Variants in PCDH7 observed in about 807,000 individuals in gnomAD.
The protein encoded by PCDH7 is protocadherin-7.
In PCDH7, 17 loss-of-function variants were observed where a neutral mutation model predicts 58.9. The ratio of observed to expected loss-of-function variants is 0.29; its 90% CI spans 0.20 to 0.43. The LOEUF (loss-of-function observed/expected upper bound fraction) is 0.43. Ranked by LOEUF, PCDH7 falls within the 20% of genes least tolerant of loss-of-function variation. The pLI, the probability that PCDH7 is intolerant of heterozygous loss-of-function variation, is 1.00. For synonymous variants in PCDH7, 664 were observed against 616.4 expected, an observed-to-expected ratio of 1.08 and a Z score of -1.14; for missense variants, 1,274 against 1,441.0, an observed-to-expected ratio of 0.88 and a Z score of 1.88.
intron 3 of PCDH7, among the ~76,000 whole-genome samples, chr4:31,052,605 A>G (rs551983313): frequency 2.0e-5 from 3 of 152,270 alleles, no homozygotes; most frequent in Admixed American, 2.0e-4. Flanking sequence ...TTTAAGAAAT[A>G]AAAATATAGT....
chr4:30,907,409 G>GA (rs1370709719), intron 1 of PCDH7, among the ~76,000 whole-genome samples: 1 of 151,980 alleles, frequency 6.6e-6, no homozygotes, highest in Admixed American at 6.6e-5. Context: ...AAATTTACAA[G>GA]AAAAAACAAC....
At chr4:30,803,655 C>A (rs540177622) in intron 1 of PCDH7, among the ~76,000 whole-genome samples, 55 of 152,120 alleles carry the variant, frequency 3.6e-4, no homozygotes, top group Non-Finnish European at 6.5e-4. Flanking sequence ...CCCAGGCTGG[C>A]CTTGAACTCT....
At chr4:30,802,493 T>C (rs149162162) in intron 1 of PCDH7, among the ~76,000 whole-genome samples, 2 of 151,850 alleles carry the variant, frequency 1.3e-5, no homozygotes, top group South Asian at 2.1e-4. Context: ...AGAAAGTACA[T>C]GGATGAAACA....
intron 1 of PCDH7, among the ~76,000 whole-genome samples, chr4:30,812,745 A>G (rs1727184736): frequency 1.3e-5 from 2 of 152,208 alleles, no homozygotes; most frequent in Admixed American, 1.3e-4. Context: ...AATGATGGGA[A>G]AACATTATTC....
intron 3 of PCDH7, among the ~76,000 whole-genome samples, chr4:30,991,091 T>C (rs1751428215): frequency 6.6e-6 from 1 of 152,194 alleles, no homozygotes. Flanking sequence ...CCGGGTTCTT[T>C]CCATCTAGAT....
intron 1 of PCDH7, among the ~76,000 whole-genome samples, chr4:30,811,782 G>T (rs1162298890): frequency 6.6e-6 from 1 of 152,112 alleles, no homozygotes; most frequent in Non-Finnish European, 1.5e-5. Flanking sequence ...AGAGCCTAGG[G>T]GCCATGAAAG....
chr4:30,729,900 A>G (rs765410786), intron 1 of PCDH7, among the ~76,000 whole-genome samples: 10 of 152,008 alleles, frequency 6.6e-5, no homozygotes, highest in Non-Finnish European at 1.5e-4. Flanking sequence ...AATCTAGTGT[A>G]CTAGATTCTA....
At chr4:30,962,565 T>C (rs771476460) in intron 3 of PCDH7, among the ~76,000 whole-genome samples, 7 of 151,800 alleles carry the variant, frequency 4.6e-5, no homozygotes, top group Non-Finnish European at 8.8e-5. Context: ...AGTGGGAGGA[T>C]TACTTGAGCC....
At chr4:30,968,388 A>G (rs1749229827) in intron 3 of PCDH7, among the ~76,000 whole-genome samples, 1 of 54,598 alleles carries the variant, frequency 1.8e-5, no homozygotes, top group African/African-American at 1.3e-4. Context: ...ATATATATAT[A>G]TATATATATA....
At chr4:30,734,364 C>G (rs1715947610), downstream of PCDH7, among the ~76,000 whole-genome samples, 15 of 151,972 alleles carry the variant, frequency 9.9e-5, no homozygotes, top group Admixed American at 9.8e-4. Flanking sequence ...TCCCAAGTAG[C>G]TGTGATTACA....
At chr4:30,833,439 C>T (rs920226829) in intron 1 of PCDH7, among the ~76,000 whole-genome samples, 2 of 152,176 alleles carry the variant, frequency 1.3e-5, no homozygotes, top group Admixed American at 1.3e-4. Flanking sequence ...ACTGACTCTT[C>T]CGCCTTCTGC....
intron 3 of PCDH7, among the ~76,000 whole-genome samples, chr4:31,019,780 G>A (rs1753889404): frequency 6.6e-6 from 1 of 151,742 alleles, no homozygotes; most frequent in African/African-American, 2.4e-5. Context: ...ATACACACAT[G>A]TACAGACACG....
At chr4:31,083,725 G>T (rs951840412) in intron 3 of PCDH7, among the ~76,000 whole-genome samples, 10 of 152,134 alleles carry the variant, frequency 6.6e-5, no homozygotes, top group Non-Finnish European at 1.2e-4. Context: ...AAAAATGATG[G>T]GGTGGAGTGG....
chr4:31,056,462 A>G (rs866407180), intron 3 of PCDH7, among the ~76,000 whole-genome samples: 2 of 49,098 alleles, frequency 4.1e-5, no homozygotes, highest in Non-Finnish European at 7.8e-5. Context: ...AAGAAAGAAG[A>G]AAGAAAGAAA....
chr4:31,045,386 GT>G (rs1022832889), intron 3 of PCDH7, among the ~76,000 whole-genome samples: 6 of 151,906 alleles, frequency 3.9e-5, no homozygotes, highest in Non-Finnish European at 8.8e-5. Context: ...GTGTATGTGT[GT>G]CAAAGGGACA....
chr4:30,914,988 T>A (rs1742254652), intron 1 of PCDH7, among the ~76,000 whole-genome samples: 1 of 152,310 alleles, frequency 6.6e-6, no homozygotes, highest in African/African-American at 2.4e-5. Flanking sequence ...TTCCTCAAAA[T>A]ATTTTACTGT....
chr4:30,979,251 A>G (rs1293325338), intron 3 of PCDH7, among the ~76,000 whole-genome samples: 1 of 150,892 alleles, frequency 6.6e-6, no homozygotes, highest in Admixed American at 6.6e-5. Flanking sequence ...GCGTGAACCC[A>G]GGAGGAGGAG....
intron 3 of PCDH7, among the ~76,000 whole-genome samples, chr4:31,129,448 A>G (rs976128235): frequency 1.3e-5 from 2 of 152,092 alleles, no homozygotes; most frequent in Admixed American, 6.6e-5. Context: ...AATGATACCT[A>G]CCTTAGGTCT....
intron 1 of PCDH7, among the ~76,000 whole-genome samples, chr4:30,773,133 C>T (rs1264581464): frequency 1.2e-4 from 18 of 152,198 alleles, no homozygotes; most frequent in Admixed American, 1.2e-3. Context: ...AACCTCCTGA[C>T]TTCAAGTAAG....
Sources: allele counts gnomAD v4.1 joint callset (sites outside exome capture counted in the v4.1 genomes callset), GRCh38; gene constraint gnomAD v4.1.1; transcripts MANE v1.5; gene names NCBI Gene and HGNC (gene_info 2026-07-23, HGNC 2026-07-21).